The following LMO2 variants were observed in gnomAD, a reference collection of about 807,000 sequenced individuals.
The protein encoded by LMO2 is rhombotin-2.
LMO2 carries 20 observed loss-of-function variants against 23.2 expected under a neutral mutation model. The ratio of observed to expected loss-of-function variants is 0.86; its 90% confidence interval spans 0.61 to 1.25. The LOEUF (loss-of-function observed/expected upper bound fraction) is 1.25. Among genes scored for constraint, LMO2 ranks in the 50% most tolerant of loss-of-function variants. The pLI, the probability that LMO2 is intolerant of heterozygous loss-of-function variation, is 0.00. For synonymous variants in LMO2, 123 were observed against 130.2 expected (o/e 0.94, Z 0.38); for missense variants, 270 against 315.3 (o/e 0.86, Z 1.09).
At chr11:33,881,343 T>G (rs972709899) in intron 2 of LMO2, 17 of 456,628 alleles carry the variant, frequency 3.7e-5, no homozygotes, top group African/African-American at 3.0e-4. Context: ...TCTGGAAATA[T>G]CTTTTATCTG....
Position 33,869,962 on chromosome 11 carries a change from C to T in LMO2, c.-246G>A, listed in dbSNP as rs1392461500. The T allele has an allele frequency of 9.6e-7, 1 of 1,039,530 alleles. No homozygotes were observed. Among genetic ancestry groups the T allele is most frequent in the Admixed American group, 5.6e-5 (1 of 17,906 alleles). 64.4% of individuals were successfully genotyped at this position (1,039,530 alleles called of 1,614,324 possible). A position where few individuals can be genotyped will look rare whatever the true frequency, so the allele number is the denominator to read the frequency against. On this transcript the variant is annotated 5_prime_UTR_variant, in exon 3 of 6. Coordinates refer to ENST00000257818, the MANE Select transcript of LMO2 (RefSeq NM_005574.4). ...AGGTCTATTTTCGCTCAGCTTCCCTCTGTCTCTGGTTTCATTTCCTTTTTC... is the reference window on the plus strand; with the variant it reads ...AGGTCTATTTTCGCTCAGCTTCCCTTTGTCTCTGGTTTCATTTCCTTTTTC...
chr11:33,890,818 T>C (rs1006668458), intron 1 of LMO2, among the ~76,000 whole-genome samples: 1 of 152,208 alleles, frequency 6.6e-6, no homozygotes, highest in African/African-American at 2.4e-5. Flanking sequence ...ACCCTATGGG[T>C]ACCCCTATAT....
chr11:33,877,749 G>A (rs115852387), intron 2 of LMO2, among the ~76,000 whole-genome samples: 70 of 152,164 alleles, frequency 4.6e-4, no homozygotes, highest in African/African-American at 1.6e-3. Context: ...ACAGGTGTAA[G>A]CCACTGCACC....
intron 2 of LMO2, chr11:33,870,586 G>A (rs1217906679): frequency 2.0e-6 from 2 of 985,526 alleles, no homozygotes; most frequent in African/African-American, 3.5e-5. Flanking sequence ...CAGAGCCAGG[G>A]CAGCTAATCC....
At position 33,880,956 on chromosome 11, in the gene LMO2, C is replaced by A. The variant is rs1266823642; in HGVS notation, c.-272+868G>T. ...TCTGGATAAACTTCTTTGCAGAAGCCCATTTGACTCCAAGGACAGAAAAAA... is the reference window on the plus strand; with the variant it reads ...TCTGGATAAACTTCTTTGCAGAAGCACATTTGACTCCAAGGACAGAAAAAA... On this transcript the variant is annotated intron_variant, in intron 2 of 5. Coordinates refer to ENST00000257818, the MANE Select transcript of LMO2 (RefSeq NM_005574.4). This position sits in a 1 kb window ranked among gnomAD's most constrained non-coding sequence, Gnocchi z 4.3. The A allele has an allele frequency of 5.8e-6, 2 of 343,272 alleles. No individual in the cohort carries two copies. The highest frequency in any genetic ancestry group is 1.5e-4 in the East Asian group (2 of 13,050). 21.3% of individuals were successfully genotyped at this position (343,272 alleles called of 1,614,324 possible). A position where few individuals can be genotyped will look rare whatever the true frequency, so the allele number is the denominator to read the frequency against.
At chr11:33,862,575 A>T (rs1856622852) in intron 5 of LMO2, among the ~76,000 whole-genome samples, 1 of 148,200 alleles carries the variant, frequency 6.7e-6, no homozygotes. Flanking sequence ...CAACTCAGCC[A>T]TTGGAAATCC....
chr11:33,868,656 C>T lies in LMO2; in HGVS notation c.248+690G>A, dbSNP rs1856875282. ...TAAGACTCTGCTAAAAACTACGAGA[C>T]TCTACTCCCCAGAATAATTCACCTA... On this transcript the variant is annotated intron_variant, in intron 4 of 5. Transcript: ENST00000257818. 2.0e-5 allele frequency among the ~76,000 whole-genome samples: 3 copies of T among 152,340 alleles called. No homozygotes were observed. In the South Asian group the frequency reaches 6.2e-4, roughly 32 times the overall value.
At chr11:33,889,472 A>G (rs1412839122) in intron 1 of LMO2, among the ~76,000 whole-genome samples, 1 of 152,230 alleles carries the variant, frequency 6.6e-6, no homozygotes, top group South Asian at 2.1e-4. Context: ...GAGATACAGA[A>G]GCAGGTCAGA....
intron 4 of LMO2, among the ~76,000 whole-genome samples, chr11:33,867,619 A>G (rs79997732): frequency 0.026 from 3,987 of 152,298 alleles, 201 homozygotes; most frequent in East Asian, 0.17. Context: ...GTGCTGCAGC[A>G]ATTTCTCAAC....
At position 33,875,607 on chromosome 11, in the gene LMO2, C is replaced by A. The variant is rs538943959; in HGVS notation, c.-271-5620G>T. Among the ~76,000 whole-genome samples, 10 of 151,172 alleles carry A rather than the reference C, an allele frequency of 6.6e-5. No individual in the cohort carries two copies. The South Asian group carries it at 2.1e-3, about 32-fold the overall frequency. Reference sequence around the variant, plus strand: ...AAAAAAAAAAAAAAAAGTTTGAGCACCCATTGATAATTCAGACCCTTTGAT... The same window carrying A: ...AAAAAAAAAAAAAAAAGTTTGAGCAACCATTGATAATTCAGACCCTTTGAT... On this transcript the variant is annotated intron_variant, in intron 2 of 5. Transcript: ENST00000257818.
chr11:33,891,750 C>T (rs1370587635), intron 1 of LMO2, 45 bp downstream of exon 1: 1 of 152,162 alleles, frequency 6.6e-6, no homozygotes, highest in East Asian at 1.9e-4. Flanking sequence ...AAAAAAGTTC[C>T]CTTGCAATCG....
chr11:33,866,203 T>C (rs773586771), intron 4 of LMO2, among the ~76,000 whole-genome samples: 30 of 152,218 alleles, frequency 2.0e-4, no homozygotes, highest in Non-Finnish European at 3.4e-4. Flanking sequence ...GATCCCGTCA[T>C]GTGAAGTATG....
In LMO2 at chr11:33,869,909, T is replaced by G; in HGVS notation, c.-193A>C. ...AGGGGCGGGGAGGGGACCGTGCGTC[T>G]CTCTCCGGGCTTCCTCCTCTCTCGG... On this transcript the variant is annotated 5_prime_UTR_variant, in exon 3 of 6. Transcript: ENST00000257818. 9.5e-7 allele frequency: 1 copy of G among 1,050,110 alleles called. No homozygotes were observed. The allele number at this position is 1,050,110 out of a possible 1,614,324, so 65.0% of individuals were successfully genotyped here.
chr11:33,870,252 C>T, intron 2 of LMO2: 2 of 663,984 alleles, frequency 3.0e-6, no homozygotes, highest in Non-Finnish European at 3.7e-6. Context: ...TTCCCCTCTT[C>T]CGCCTTTCCC....
intron 2 of LMO2, chr11:33,870,459 A>C (rs552319365): frequency 5.9e-5 from 58 of 985,478 alleles, no homozygotes; most frequent in South Asian, 5.6e-4. Context: ...GCTGCGGGCT[A>C]CGGGCTGCGG....
chr11:33,859,146 A>G lies in LMO2; in HGVS notation c.*210T>C, dbSNP rs1856471098. ...GGGCTGTGGCCATAAGTTCTCCCTC[A>G]AGGGCTGGTCCTTCTGTCACCTTGA... On this transcript the variant is annotated 3_prime_UTR_variant, in exon 6 of 6. Coordinates refer to ENST00000257818, the MANE Select transcript of LMO2 (RefSeq NM_005574.4). 1.8e-6 allele frequency: 1 copy of G among 544,310 alleles called. No homozygotes were observed. 33.7% of individuals were successfully genotyped at this position (544,310 alleles called of 1,614,324 possible). A position where few individuals can be genotyped will look rare whatever the true frequency, so the allele number is the denominator to read the frequency against.
At position 33,864,163 on chromosome 11, in the gene LMO2, G is replaced by T. The variant is rs1856685261; in HGVS notation, c.464+439C>A. Among the ~76,000 whole-genome samples, 1 of 152,046 alleles carries T rather than the reference G, an allele frequency of 6.6e-6. No individual in the cohort carries two copies. Among genetic ancestry groups the T allele is most frequent in the African/African-American group, 2.4e-5 (1 of 41,368 alleles). On this transcript the variant is annotated intron_variant, in intron 5 of 5. Transcript: ENST00000257818. This position sits in a 1 kb window ranked among gnomAD's most constrained non-coding sequence, Gnocchi z 4.8. ...AAATTTCTCATCATATAATACTGGA[G>T]TCATACAAAAAAAATTTATAACATA...
chr11:33,866,989 T>C (rs1856811015), intron 4 of LMO2, among the ~76,000 whole-genome samples: 1 of 152,222 alleles, frequency 6.6e-6, no homozygotes, highest in South Asian at 2.1e-4. Context: ...CCCATGGTCT[T>C]ACTCTGGGCT....
rs138163970 is a variant in LMO2, at chr11:33,883,235, G to A, written c.-335-1348C>T. Among the ~76,000 whole-genome samples, 111 of 152,320 alleles carry A rather than the reference G, an allele frequency of 7.3e-4. 1 individual carries two copies. The highest frequency in any genetic ancestry group is 6.8e-3 in the Middle Eastern group (2 of 294). On this transcript the variant is annotated intron_variant, in intron 1 of 5. Coordinates refer to ENST00000257818, the MANE Select transcript of LMO2 (RefSeq NM_005574.4). ...CGAAGTACTCAAAACATATTTATTA[G>A]ATAAGTTAGTAGACACTGTCCAAAG... is the stretch of plus-strand genomic sequence containing the variant.
Sources: allele counts gnomAD v4.1 joint callset (sites outside exome capture counted in the v4.1 genomes callset), GRCh38; gene constraint gnomAD v4.1.1; non-coding constraint Gnocchi (gnomAD v3.1); transcripts MANE v1.5; gene names NCBI Gene and HGNC (gene_info 2026-07-23, HGNC 2026-07-21).